Variants in USP31 observed in about 807,000 individuals in gnomAD.
The protein encoded by USP31 is ubiquitin carboxyl-terminal hydrolase 31.
USP31 carries 44 observed loss-of-function variants against 119.4 expected under a neutral mutation model. That is an observed-to-expected ratio of 0.37 (90% CI 0.29 to 0.47). USP31 has a LOEUF of 0.47. Among genes scored for constraint, USP31 ranks in the 20% least tolerant of loss-of-function variants. The probability of loss-of-function intolerance (pLI) is 0.99; values close to 1 mark genes in which losing one functional copy is unlikely to be tolerated. For missense variants in USP31, 1,643 were observed against 1,730.2 expected (o/e 0.95, Z 0.89); for synonymous variants, 749 against 705.6 (o/e 1.06, Z -0.97).
At position 23,111,660 on chromosome 16, in the gene USP31, T is replaced by C. The variant is rs1031943413; in HGVS notation, c.634-3477A>G. ...AACTAAGGCTGAGAGTGCTCAGACA[T>C]CATCTATGAGAGACTGAGCCAGAGG... is the stretch of plus-strand genomic sequence containing the variant. On this transcript the variant is annotated intron_variant, in intron 1 of 15. Transcript: ENST00000219689. 3.9e-5 allele frequency among the ~76,000 whole-genome samples: 6 copies of C among 152,186 alleles called. No homozygotes were observed. In the East Asian group the frequency reaches 1.2e-3, roughly 29 times the overall value.
intron 1 of USP31, among the ~76,000 whole-genome samples, chr16:23,144,640 C>T (rs1310187013): frequency 1.3e-5 from 2 of 152,008 alleles, no homozygotes; most frequent in Non-Finnish European, 2.9e-5. Context: ...CCACCACGCT[C>T]GGCTACTTTT....
At chr16:23,104,335 C>T (rs920153396) in intron 5 of USP31, among the ~76,000 whole-genome samples, 2 of 152,226 alleles carry the variant, frequency 1.3e-5, no homozygotes, top group African/African-American at 4.8e-5. Flanking sequence ...CTTCAGCAAA[C>T]TGAGGTCAAC....
chr16:23,090,823 A>T lies in USP31; in HGVS notation c.1235-19T>A. 6.7e-7 allele frequency: 1 copy of T among 1,503,256 alleles called. No homozygotes were observed. The highest frequency in any genetic ancestry group is 9.0e-7 in the Non-Finnish European group (1 of 1,108,098). 93.1% of individuals were successfully genotyped at this position (1,503,256 alleles called of 1,614,324 possible). A position where few individuals can be genotyped will look rare whatever the true frequency, so the allele number is the denominator to read the frequency against. ...TGAATTCCTGAAACAGAATAAAAAC[A>T]ACTCATTTTATCTCTTCAAAATTAT... On this transcript the variant is annotated intron_variant, in intron 6 of 15. Transcript: ENST00000219689.
At position 23,062,881 on chromosome 16, in the gene USP31, G is replaced by A. The variant is rs1203436857; in HGVS notation, c.*5165C>T. On this transcript the variant is annotated 3_prime_UTR_variant, in exon 16 of 16. Transcript: ENST00000219689. ...TTTTTTCTGCTTCTCCTACACAACT[G>A]AGGAATCAGTCACTCCTGAGTAATT... 6.6e-6 allele frequency: 1 copy of A among 152,494 alleles called. No homozygotes were observed. The highest frequency in any genetic ancestry group is 2.4e-5 in the African/African-American group (1 of 41,352). 9.4% of individuals were successfully genotyped at this position (152,494 alleles called of 1,614,324 possible).
At chr16:23,126,935 A>T (rs1902879119) in intron 1 of USP31, among the ~76,000 whole-genome samples, 1 of 152,244 alleles carries the variant, frequency 6.6e-6, no homozygotes, top group African/African-American at 2.4e-5. Context: ...ACTGCCTTAT[A>T]TTTAAACAAT....
chr16:23,063,766 A>G lies in USP31; in HGVS notation c.*4280T>C, dbSNP rs995504917. 20 of 151,782 alleles carry G rather than the reference A, an allele frequency of 1.3e-4. No homozygotes were observed. The highest frequency in any genetic ancestry group is 2.2e-4 in the African/African-American group (9 of 41,330). The allele number at this position is 151,782 out of a possible 1,614,324, so 9.4% of individuals were successfully genotyped here. The stretch of plus-strand genomic sequence containing the variant: ...TTTTAAGACTTAACATTTCATGTCT[A>G]TATGTTTTATTGTTTGCTTGCATAG... On this transcript the variant is annotated 3_prime_UTR_variant, in exon 16 of 16. Transcript: ENST00000219689.
At chr16:23,107,135 T>C (rs1203188019) in intron 2 of USP31, among the ~76,000 whole-genome samples, 2 of 151,766 alleles carry the variant, frequency 1.3e-5, no homozygotes, top group Middle Eastern at 3.4e-3. Flanking sequence ...AAAGTACTAA[T>C]GCTTCCCATG....
chr16:23,118,282 A>C (rs1902561802), intron 1 of USP31, among the ~76,000 whole-genome samples: 1 of 152,236 alleles, frequency 6.6e-6, no homozygotes, highest in Admixed American at 6.5e-5. Context: ...ATAAAAAAAG[A>C]AAAGAATCAC....
In USP31 at chr16:23,072,960, A is replaced by AC. The variant is rs1900407936; in HGVS notation, c.2335+761dup. 2.0e-5 allele frequency among the ~76,000 whole-genome samples: 3 copies of AC among 151,752 alleles called. 1 individual carries two copies. In the South Asian group the frequency reaches 6.2e-4, roughly 32 times the overall value. On this transcript the variant is annotated intron_variant, in intron 14 of 15. Coordinates refer to ENST00000219689, the MANE Select transcript of USP31 (RefSeq NM_020718.4). The stretch of plus-strand genomic sequence containing the variant: ...GCCTTGTTTTCACTGCTTTGAACTC[A>AC]CCCCCTGCAAGCTTCAAGAGAAGCA...
rs2141816874 is a variant in USP31 at position 23,063,752 on chromosome 16, A to T, written c.*4294T>A. 6.6e-6 allele frequency: 1 copy of T among 152,044 alleles called. No homozygotes were observed. The highest frequency in any genetic ancestry group is 1.9e-4 in the East Asian group (1 of 5,174). 9.4% of individuals were successfully genotyped at this position (152,044 alleles called of 1,614,324 possible). A position where few individuals can be genotyped will look rare whatever the true frequency, so the allele number is the denominator to read the frequency against. ...TTGTTGCCTTTTTTTTTTAAGACTT[A>T]ACATTTCATGTCTATATGTTTTATT... is the stretch of plus-strand genomic sequence containing the variant. On this transcript the variant is annotated 3_prime_UTR_variant, in exon 16 of 16. Coordinates refer to ENST00000219689, the MANE Select transcript of USP31 (RefSeq NM_020718.4).
intron 1 of USP31, among the ~76,000 whole-genome samples, chr16:23,122,379 T>G (rs993650920): frequency 1.3e-5 from 2 of 152,186 alleles, no homozygotes; most frequent in Non-Finnish European, 2.9e-5. Context: ...TAAAATGGTA[T>G]AGCAATGTTG....
intron 1 of USP31, among the ~76,000 whole-genome samples, chr16:23,145,049 T>A (rs1433119478): frequency 1.3e-5 from 2 of 152,000 alleles, no homozygotes; most frequent in Admixed American, 1.3e-4. Flanking sequence ...CCCCCACTGC[T>A]CTCTATGGTG....
At position 23,063,540 on chromosome 16, in the gene USP31, AATG is replaced by A. The variant is rs1460268472; in HGVS notation, c.*4503_*4505del. Reference sequence around the variant, plus strand: ...TCAGGCTAAATACAGTATGTACACCAATGATGTGTGTTCAACATATCCAATTCC... The same window carrying A: ...TCAGGCTAAATACAGTATGTACACCAATGTGTGTTCAACATATCCAATTCC... On this transcript the variant is annotated 3_prime_UTR_variant, in exon 16 of 16. Transcript: ENST00000219689. 1 of 152,590 alleles carries A rather than the reference AATG, an allele frequency of 6.6e-6. No individual in the cohort carries two copies. The highest frequency in any genetic ancestry group is 1.5e-5 in the Non-Finnish European group (1 of 68,030). 9.5% of individuals were successfully genotyped at this position (152,590 alleles called of 1,614,324 possible).
chr16:23,108,536 A>C (rs1235488985), intron 1 of USP31, among the ~76,000 whole-genome samples: 1 of 152,242 alleles, frequency 6.6e-6, no homozygotes, highest in African/African-American at 2.4e-5. Flanking sequence ...GAGTAGGAGG[A>C]GATGAAACAG....
Position 23,148,718 on chromosome 16 carries a change from C to A in USP31, c.553G>T (p.Glu185Ter). 6.8e-7 allele frequency: 1 copy of A among 1,481,000 alleles called. No homozygotes were observed. The highest frequency in any genetic ancestry group is 2.0e-4 in the Middle Eastern group (1 of 5,108). The allele number at this position is 1,481,000 out of a possible 1,614,324, so 91.7% of individuals were successfully genotyped here. Reference protein sequence around the residue: ...PAGRGAQGQGEVTEQLAHLVR... With the variant: ...PAGRGAQGQG ...AGGTGCGCCAGCTGCTCAGTGACCTCGCCCTGGCCCTGCGCGCCGCGGCCC... is the reference window on the plus strand; with the variant it reads ...AGGTGCGCCAGCTGCTCAGTGACCTAGCCCTGGCCCTGCGCGCCGCGGCCC... Residue 185 changes from glutamate (E) to a stop codon, truncating the protein, a stop_gained, in exon 1 of 16, where the codon GAG becomes TAG. Coordinates refer to ENST00000219689, the MANE Select transcript of USP31 (RefSeq NM_020718.4). LOFTEE classifies it high-confidence loss of function.
At chr16:23,087,224 T>A in intron 8 of USP31, 38 bp from the exon 9 acceptor site, 3 of 1,586,386 alleles carry the variant, frequency 1.9e-6, no homozygotes, top group Non-Finnish European at 2.6e-6. Flanking sequence ...GCCAAATTTT[T>A]CTTCAAGGGC....
chr16:23,099,679 A>T (rs954604783), intron 6 of USP31, among the ~76,000 whole-genome samples: 1 of 152,212 alleles, frequency 6.6e-6, no homozygotes, highest in Admixed American at 6.5e-5. Context: ...AAAAATAGAT[A>T]AACTGGACTT....
At chr16:23,073,010 T>G (rs1362427346) in intron 14 of USP31, among the ~76,000 whole-genome samples, 1 of 152,058 alleles carries the variant, frequency 6.6e-6, no homozygotes, top group Non-Finnish European at 1.5e-5. Flanking sequence ...CTAACCTGAT[T>G]GCACATCACC....
At chr16:23,086,832 T>C (rs1191286387) in intron 9 of USP31, among the ~76,000 whole-genome samples, 1 of 152,232 alleles carries the variant, frequency 6.6e-6, no homozygotes, top group Non-Finnish European at 1.5e-5. Context: ...CTGGTGAATA[T>C]GAAAGTGTAA....
Sources: gnomAD v4.1 joint callset for allele counts (sites outside exome capture counted in the v4.1 genomes callset) on GRCh38, gnomAD v4.1.1 for gene constraint, MANE v1.5 for transcripts, NCBI Gene and HGNC (gene_info 2026-07-23, HGNC 2026-07-21) for gene names.